The following FRMD5 variants were observed in gnomAD, a reference collection of about 807,000 sequenced individuals.
FRMD5 encodes the protein FERM domain-containing protein 5.
A neutral mutation model predicts 69.0 loss-of-function variants in FRMD5; 20 were observed. That is an observed-to-expected ratio of 0.29 (90% CI 0.20 to 0.42). The LOEUF (loss-of-function observed/expected upper bound fraction) is 0.42. FRMD5 is among the 10% of genes least tolerant of loss of function. The probability of loss-of-function intolerance (pLI) is 1.00; values close to 1 mark genes in which losing one functional copy is unlikely to be tolerated. For missense variants in FRMD5, 595 were observed against 708.6 expected, an observed-to-expected ratio of 0.84 and a Z score of 1.82; for synonymous variants, 271 against 260.1, an observed-to-expected ratio of 1.04 and a Z score of -0.40.
chr15:43,948,955 T>A (rs1336778722), intron 1 of FRMD5, among the ~76,000 whole-genome samples: 1 of 152,264 alleles, frequency 6.6e-6, no homozygotes, highest in Non-Finnish European at 1.5e-5. Context: ...CTATTTGCCA[T>A]CTGTCCACAG....
rs1375269056 is a variant in FRMD5, at chr15:44,195,060, C to A, written c.-6G>T. The A allele has an allele frequency of 1.3e-6, 2 of 1,489,774 alleles. No homozygotes were observed. Among genetic ancestry groups the A allele is most frequent in the Non-Finnish European group, 1.8e-6 (2 of 1,117,346 alleles). The allele number at this position is 1,489,774 out of a possible 1,614,324, so 92.3% of individuals were successfully genotyped here. A position where few individuals can be genotyped will look rare whatever the true frequency, so the allele number is the denominator to read the frequency against. On this transcript the variant is annotated 5_prime_UTR_variant, in exon 1 of 14. Transcript: ENST00000417257. ...CTCATCAACCTGCTCAGCATCTTCC[C>A]GCCCGCCCGCCCGGGAGCGACGCGG...
intron 13 of FRMD5, among the ~76,000 whole-genome samples, chr15:43,876,762 C>G (rs181729286): frequency 2.4e-4 from 36 of 152,296 alleles, no homozygotes; most frequent in Admixed American, 1.3e-3. Context: ...GGAGTAGTCC[C>G]TGGCCAGCTC....
chr15:43,890,971 T>C (rs1412356053), intron 8 of FRMD5, among the ~76,000 whole-genome samples: 1 of 152,150 alleles, frequency 6.6e-6, no homozygotes, highest in Non-Finnish European at 1.5e-5. Context: ...AGGAAGCAAC[T>C]GTACTCAAGA....
At position 43,914,726 on chromosome 15, in the gene FRMD5, T is replaced by TTTTTTTTTTTTTTTTTC. The variant is rs1393792988; in HGVS notation, c.329+4732_329+4733insGAAAAAAAAAAAAAAAA. Reference sequence around the variant, plus strand: ...AGCAACTCTATGAGGTGACTACCTTTTTTTTTTTTTTTTTTTTTGAGATGG... The same window carrying TTTTTTTTTTTTTTTTTC: ...AGCAACTCTATGAGGTGACTACCTTTTTTTTTTTTTTTTTTTCTTTTTTTTTTTTTTTTTTGAGATGG... On this transcript the variant is annotated intron_variant, in intron 4 of 13. Transcript: ENST00000417257. Among the ~76,000 whole-genome samples, 862 of 136,876 alleles carry TTTTTTTTTTTTTTTTTC rather than the reference T, an allele frequency of 6.3e-3. 94 individuals carry two copies. The highest frequency in any genetic ancestry group is 0.026 in the African/African-American group (817 of 31,570). 89.8% of individuals were successfully genotyped at this position (136,876 alleles called of 152,430 possible).
chr15:44,140,049 G>A (rs561473774), intron 1 of FRMD5, among the ~76,000 whole-genome samples: 3 of 151,912 alleles, frequency 2.0e-5, no homozygotes, highest in East Asian at 3.9e-4. Flanking sequence ...ACATGTCTGT[G>A]TCTATGTATA....
In FRMD5 at chr15:44,155,612, G is replaced by A. The variant is rs147936792; in HGVS notation, c.102+39341C>T. 3.0e-3 allele frequency among the ~76,000 whole-genome samples: 447 copies of A among 150,550 alleles called. 3 individuals carry two copies. The highest frequency in any genetic ancestry group is 4.8e-3 in the Non-Finnish European group (325 of 67,652). On this transcript the variant is annotated intron_variant, in intron 1 of 13. Coordinates refer to ENST00000417257, the MANE Select transcript of FRMD5 (RefSeq NM_032892.5). ...CCAAATATATATATACATTTTTTGC[G>A]AGACAAAGTCTCGCTCTGTCACCTA...
In FRMD5 at chr15:44,195,251, C is replaced by A. The variant is rs1460948767; in HGVS notation, c.-197G>T. Reference sequence around the variant, plus strand: ...TCAGCCGCCACCGCCTCCCCCCAGCCCAGATCAAGCGCCGGGCTCTGTCTC... The same window carrying A: ...TCAGCCGCCACCGCCTCCCCCCAGCACAGATCAAGCGCCGGGCTCTGTCTC... On this transcript the variant is annotated 5_prime_UTR_variant, in exon 1 of 14. Transcript: ENST00000417257. The A allele has an allele frequency of 3.7e-6, 2 of 536,760 alleles. No individual in the cohort carries two copies. The highest frequency in any genetic ancestry group is 6.5e-6 in the Non-Finnish European group (2 of 306,972). 33.2% of individuals were successfully genotyped at this position (536,760 alleles called of 1,614,324 possible).
intron 1 of FRMD5, among the ~76,000 whole-genome samples, chr15:43,967,036 G>A (rs2090305372): frequency 6.6e-6 from 1 of 152,054 alleles, no homozygotes; most frequent in African/African-American, 2.4e-5. Context: ...AGAAAGACAT[G>A]GACTTGCTTC....
chr15:44,169,658 T>G (rs2077767287), intron 1 of FRMD5, among the ~76,000 whole-genome samples: 1 of 152,160 alleles, frequency 6.6e-6, no homozygotes, highest in Non-Finnish European at 1.5e-5. Flanking sequence ...TGGGGACCCT[T>G]GCTTTATCAC....
intron 1 of FRMD5, among the ~76,000 whole-genome samples, chr15:44,171,992 G>C (rs1282189876): frequency 3.3e-5 from 5 of 152,020 alleles, no homozygotes; most frequent in Non-Finnish European, 7.4e-5. Context: ...TCAAACTCCT[G>C]ACCTCAAGTG....
At chr15:43,973,004 G>C (rs2090405347) in intron 1 of FRMD5, among the ~76,000 whole-genome samples, 1 of 151,700 alleles carries the variant, frequency 6.6e-6, no homozygotes, top group Non-Finnish European at 1.5e-5. Flanking sequence ...CTAGATTTTA[G>C]TTAATATCCT....
chr15:44,019,256 C>T (rs1891102817), intron 1 of FRMD5, among the ~76,000 whole-genome samples: 1 of 152,024 alleles, frequency 6.6e-6, no homozygotes, highest in African/African-American at 2.4e-5. Context: ...ATATTTCACC[C>T]AATTTTGTAA....
At chr15:44,042,105 C>T (rs1475351389) in intron 1 of FRMD5, among the ~76,000 whole-genome samples, 2 of 152,048 alleles carry the variant, frequency 1.3e-5, no homozygotes, top group African/African-American at 4.8e-5. Flanking sequence ...GGGATATCAC[C>T]ACCAATCCCA....
At chr15:43,884,653 A>T in intron 12 of FRMD5, 74 bp downstream of exon 12, 1 of 1,373,620 alleles carries the variant, frequency 7.3e-7, no homozygotes, top group South Asian at 1.2e-5. Flanking sequence ...GGGGCTTCAC[A>T]GTACTCAAAC....
chr15:44,144,972 A>G (rs1292114642), intron 1 of FRMD5, among the ~76,000 whole-genome samples: 1 of 152,208 alleles, frequency 6.6e-6, no homozygotes, highest in Non-Finnish European at 1.5e-5. Context: ...CCAGTATCAT[A>G]GAGTTACTAA....
intron 1 of FRMD5, among the ~76,000 whole-genome samples, chr15:44,003,569 C>T (rs1158844991): frequency 1.3e-5 from 2 of 152,194 alleles, no homozygotes; most frequent in African/African-American, 4.8e-5. Flanking sequence ...CAATAGCCTC[C>T]TTGCTATTTG....
rs142954746 is a variant in FRMD5 at position 43,886,376 on chromosome 15, G to A, written c.885-621C>T. On this transcript the variant is annotated intron_variant, in intron 10 of 13. Coordinates refer to ENST00000417257, the MANE Select transcript of FRMD5 (RefSeq NM_032892.5). ...ACTAGCTTAACTTTAATAAAAGTCC[G>A]TCATGTATTTGAATTTGGAGCCTTT... 3.2e-3 allele frequency among the ~76,000 whole-genome samples: 490 copies of A among 152,234 alleles called. 1 individual carries two copies. The highest frequency in any genetic ancestry group is 9.2e-3 in the African/African-American group (384 of 41,544).
chr15:44,117,445 G>A (rs1002481425), intron 1 of FRMD5, among the ~76,000 whole-genome samples: 6 of 152,158 alleles, frequency 3.9e-5, no homozygotes, highest in African/African-American at 1.2e-4. Flanking sequence ...GGGAGGACAA[G>A]ATGAAAGGGA....
In FRMD5 at chr15:44,045,668, G is replaced by A. The variant is rs116330990; in HGVS notation, c.103-121359C>T. Among the ~76,000 whole-genome samples the A allele has an allele frequency of 3.6e-3, 545 of 152,236 alleles. 1 individual carries two copies. Among genetic ancestry groups the A allele is most frequent in the African/African-American group, 0.012 (519 of 41,548 alleles). ...AGACAGTACACTAATATAGAAGGAGGAGAAACAAAATGATAGGAGTGGTTA... is the reference window on the plus strand; with the variant it reads ...AGACAGTACACTAATATAGAAGGAGAAGAAACAAAATGATAGGAGTGGTTA... On this transcript the variant is annotated intron_variant, in intron 1 of 13. Transcript: ENST00000417257.
Sources: gnomAD v4.1 joint callset for allele counts (sites outside exome capture counted in the v4.1 genomes callset) on GRCh38, gnomAD v4.1.1 for gene constraint, MANE v1.5 for transcripts, NCBI Gene and HGNC (gene_info 2026-07-23, HGNC 2026-07-21) for gene names.